KIAA1958: variants seen among roughly 807,000 people sequenced by gnomAD.
KIAA1958 encodes uncharacterized protein KIAA1958.
KIAA1958 carries 14 observed loss-of-function variants against 47.2 expected under a neutral mutation model. The ratio of observed to expected loss-of-function variants is 0.30; its 90% CI spans 0.20 to 0.46. The LOEUF (loss-of-function observed/expected upper bound fraction) is 0.46. Ranked by LOEUF, KIAA1958 falls within the 20% of genes least tolerant of loss-of-function variation. The pLI is 1.00. For synonymous variants in KIAA1958, 354 were observed against 353.3 expected (o/e 1.00, Z -0.02); for missense variants, 803 against 909.2 (o/e 0.88, Z 1.50).
chr9:112,551,478 A>G (rs1319327874), intron 1 of KIAA1958, among the ~76,000 whole-genome samples: 1 of 152,374 alleles, frequency 6.6e-6, no homozygotes, highest in South Asian at 2.1e-4. Context: ...GATATAGCAC[A>G]GGCTTTAATT....
intron 2 of KIAA1958, among the ~76,000 whole-genome samples, chr9:112,631,738 C>T (rs564244529): frequency 1.3e-4 from 20 of 152,094 alleles, no homozygotes; most frequent in Non-Finnish European, 2.6e-4. Context: ...TGGACTGCTT[C>T]CTTACAAAAA....
At chr9:112,598,049 G>A (rs888846171) in intron 2 of KIAA1958, among the ~76,000 whole-genome samples, 3 of 152,154 alleles carry the variant, frequency 2.0e-5, no homozygotes, top group African/African-American at 7.2e-5. Context: ...ATTATAAATT[G>A]TTAGACATGC....
At chr9:112,568,405 T>C in intron 1 of KIAA1958, among the ~76,000 whole-genome samples, 1 of 152,212 alleles carries the variant, frequency 6.6e-6, no homozygotes, top group East Asian at 1.9e-4. Context: ...ATTAAGGACA[T>C]TTCAGTGCTT....
At chr9:112,632,923 TA>T (rs1016716996) in intron 2 of KIAA1958, among the ~76,000 whole-genome samples, 246 of 125,624 alleles carry the variant, frequency 2.0e-3, no homozygotes, top group African/African-American at 4.9e-3. Flanking sequence ...TTTTTTTTTT[TA>T]AAAAAAGAGC....
At chr9:112,599,086 G>A (rs948349818) in intron 2 of KIAA1958, among the ~76,000 whole-genome samples, 2 of 152,058 alleles carry the variant, frequency 1.3e-5, no homozygotes, top group African/African-American at 4.8e-5. Flanking sequence ...AAAAAGGAAA[G>A]TAATATTTTA....
At chr9:112,603,318 C>T (rs755629049) in intron 2 of KIAA1958, among the ~76,000 whole-genome samples, 2 of 152,084 alleles carry the variant, frequency 1.3e-5, no homozygotes, top group Non-Finnish European at 2.9e-5. Flanking sequence ...ACTATAAAAA[C>T]ATTTCATGTG....
intron 1 of KIAA1958, among the ~76,000 whole-genome samples, chr9:112,534,433 A>G (rs1465584259): frequency 6.6e-6 from 1 of 152,012 alleles, no homozygotes; most frequent in South Asian, 2.1e-4. Context: ...AATTAGTAAG[A>G]TTGTGTATTT....
chr9:112,526,313 G>C (rs1237162307), intron 1 of KIAA1958, among the ~76,000 whole-genome samples: 1 of 151,884 alleles, frequency 6.6e-6, no homozygotes, highest in Non-Finnish European at 1.5e-5. Flanking sequence ...AAGTGCAGTG[G>C]CACTGTCTCG....
At chr9:112,634,574 T>G (rs1327608665) in intron 2 of KIAA1958, among the ~76,000 whole-genome samples, 1 of 152,152 alleles carries the variant, frequency 6.6e-6, no homozygotes, top group African/African-American at 2.4e-5. Context: ...CTAAATGATT[T>G]TTTTCCTTTT....
chr9:112,658,307 C>T (rs892102478), intron 3 of KIAA1958, among the ~76,000 whole-genome samples: 2 of 152,346 alleles, frequency 1.3e-5, no homozygotes, highest in East Asian at 1.9e-4. Context: ...TCTTTCCCTA[C>T]AGCACTATGT....
intron 2 of KIAA1958, among the ~76,000 whole-genome samples, chr9:112,603,658 C>A (rs1026758717): frequency 6.6e-6 from 1 of 152,146 alleles, no homozygotes. Context: ...CATGTGTGGT[C>A]TTTTTAATTT....
chr9:112,539,071 T>C (rs1834898828), intron 1 of KIAA1958, among the ~76,000 whole-genome samples: 1 of 152,206 alleles, frequency 6.6e-6, no homozygotes, highest in African/African-American at 2.4e-5. Flanking sequence ...TGTAGAGAAA[T>C]TGGAACTCTC....
intron 2 of KIAA1958, among the ~76,000 whole-genome samples, chr9:112,635,862 GTTC>G (rs1233379581): frequency 6.6e-6 from 1 of 151,472 alleles, no homozygotes; most frequent in African/African-American, 2.4e-5. Flanking sequence ...ATTGATTTAT[GTTC>G]TTAATTGTAG....
intron 2 of KIAA1958, among the ~76,000 whole-genome samples, chr9:112,588,035 C>T (rs80133817): frequency 0.012 from 1,841 of 152,220 alleles, 38 homozygotes; most frequent in African/African-American, 0.042. Flanking sequence ...ATTTTCTCCA[C>T]CTAAGGATGA....
chr9:112,491,620 C>T (rs1833972061), intron 1 of KIAA1958, among the ~76,000 whole-genome samples: 1 of 150,830 alleles, frequency 6.6e-6, no homozygotes, highest in Non-Finnish European at 1.5e-5. Context: ...TTAAAACCTA[C>T]TGGAAATATA....
At chr9:112,557,692 C>G (rs1835265083) in intron 1 of KIAA1958, among the ~76,000 whole-genome samples, 1 of 152,158 alleles carries the variant, frequency 6.6e-6, no homozygotes, top group African/African-American at 2.4e-5. Flanking sequence ...GTGACAGAAA[C>G]TGAGAAGTAG....
rs552749332 is a variant in KIAA1958, at chr9:112,556,210, G to A, written c.-24-17847G>A. 1.2e-4 allele frequency among the ~76,000 whole-genome samples: 19 copies of A among 152,314 alleles called. 1 individual carries two copies. The South Asian group carries it at 3.7e-3, about 30-fold the overall frequency. ...GCATGACATCTTGCATCTTCCTTAA[G>A]TAGACCTCAGCTGGCTGTCAATTTC... On this transcript the variant is annotated intron_variant, in intron 1 of 3. Coordinates refer to ENST00000337530, the MANE Select transcript of KIAA1958 (RefSeq NM_133465.4).
intron 1 of KIAA1958, among the ~76,000 whole-genome samples, chr9:112,513,224 G>C (rs3962526): frequency 0.95 from 110,149 of 116,208 alleles, 52,292 homozygotes; most frequent in African/African-American, 0.97. Flanking sequence ...AGGCTGGTCT[G>C]GAACTCCTGA....
At chr9:112,571,035 C>T (rs1835524526) in intron 1 of KIAA1958, among the ~76,000 whole-genome samples, 1 of 152,174 alleles carries the variant, frequency 6.6e-6, no homozygotes, top group Non-Finnish European at 1.5e-5. Context: ...GAACAATTCA[C>T]CTTCTGTATT....
Sources: gnomAD v4.1 joint callset for allele counts (sites outside exome capture counted in the v4.1 genomes callset) on GRCh38, gnomAD v4.1.1 for gene constraint, MANE v1.5 for transcripts, NCBI Gene and HGNC (gene_info 2026-07-23, HGNC 2026-07-21) for gene names.